The following USP22 variants were observed in gnomAD, a reference collection of about 807,000 sequenced individuals.
USP22 encodes ubiquitin specific peptidase 22.
In USP22, 22 loss-of-function variants were observed where a neutral mutation model predicts 68.1. That is an observed-to-expected ratio of 0.32 (90% CI 0.23 to 0.46). The LOEUF is 0.46. USP22 is among the 20% of genes least tolerant of loss of function. The probability of loss-of-function intolerance (pLI) is 1.00; values close to 1 mark genes in which losing one functional copy is unlikely to be tolerated. For missense variants in USP22, 433 were observed against 695.8 expected, an observed-to-expected ratio of 0.62 and a Z score of 4.25; for synonymous variants, 279 against 274.2, an observed-to-expected ratio of 1.02 and a Z score of -0.17.
intron 8 of USP22, 60 bp downstream of exon 8, chr17:21,011,091 A>T: frequency 6.6e-7 from 1 of 1,522,766 alleles, no homozygotes. Flanking sequence ...TTTGGTCCTG[A>T]TGGAGCACAG....
In USP22 at chr17:21,032,922, CAAAAAAAAAAAAA is replaced by C. The variant is rs753804890; in HGVS notation, c.172-4261_172-4249del. Among the ~76,000 whole-genome samples the C allele has an allele frequency of 1.1e-3, 104 of 91,574 alleles. 2 individuals carry two copies. The highest frequency in any genetic ancestry group is 0.01 in the East Asian group (20 of 1,916). 60.1% of individuals were successfully genotyped at this position (91,574 alleles called of 152,430 possible). On this transcript the variant is annotated intron_variant, in intron 1 of 12. Transcript: ENST00000261497. ...TGAGCAACAGAACCAGACCCTGTCT[CAAAAAAAAAAAAA>C]AAAAAAAAAAAAAAAAAAGTTGAAA... is the stretch of plus-strand genomic sequence containing the variant.
chr17:21,015,537 A>G, intron 6 of USP22: 1 of 601,730 alleles, frequency 1.7e-6, no homozygotes, highest in South Asian at 2.6e-5. Context: ...TGCTGGAACT[A>G]CTTCCTCGCC....
rs753804890 is a variant in USP22 at position 21,032,922 on chromosome 17, CAAAAAAAAAAA to C, written c.172-4259_172-4249del. 5.1e-3 allele frequency among the ~76,000 whole-genome samples: 464 copies of C among 91,568 alleles called. 4 individuals are homozygous for C. Among genetic ancestry groups the C allele is most frequent in the African/African-American group, 0.024 (414 of 17,360 alleles). 60.1% of individuals were successfully genotyped at this position (91,568 alleles called of 152,430 possible). A position where few individuals can be genotyped will look rare whatever the true frequency, so the allele number is the denominator to read the frequency against. The stretch of plus-strand genomic sequence containing the variant: ...TGAGCAACAGAACCAGACCCTGTCT[CAAAAAAAAAAA>C]AAAAAAAAAAAAAAAAAAAAGTTGA... On this transcript the variant is annotated intron_variant, in intron 1 of 12. Coordinates refer to ENST00000261497, the MANE Select transcript of USP22 (RefSeq NM_015276.2).
Position 21,032,922 on chromosome 17 carries a change from C to CAAAAAAAAA in USP22, c.172-4257_172-4249dup, listed in dbSNP as rs753804890. On this transcript the variant is annotated intron_variant, in intron 1 of 12. Transcript: ENST00000261497. Reference sequence around the variant, plus strand: ...TGAGCAACAGAACCAGACCCTGTCTCAAAAAAAAAAAAAAAAAAAAAAAAA... The same window carrying CAAAAAAAAA: ...TGAGCAACAGAACCAGACCCTGTCTCAAAAAAAAAAAAAAAAAAAAAAAAAAAAAAAAAA... Among the ~76,000 whole-genome samples, 70 of 91,546 alleles carry CAAAAAAAAA rather than the reference C, an allele frequency of 7.6e-4. 1 individual carries two copies. The highest frequency in any genetic ancestry group is 2.4e-3 in the African/African-American group (41 of 17,342). The allele number at this position is 91,546 out of a possible 152,430, so 60.1% of individuals were successfully genotyped here.
rs138872848 is a variant in USP22 at position 21,014,951 on chromosome 17, C to T, written c.838+801G>A. Among the ~76,000 whole-genome samples the T allele has an allele frequency of 1.3e-3, 198 of 152,272 alleles. 1 individual carries two copies. Among genetic ancestry groups the T allele is most frequent in the African/African-American group, 4.5e-3 (188 of 41,562 alleles). ...GAAGCCCCTGCCCCCCACAGATCTG[C>T]TGAATCAGAAACGCCAGCACGGGCT... On this transcript the variant is annotated intron_variant, in intron 6 of 12. Transcript: ENST00000261497.
Position 21,007,980 on chromosome 17 carries a change from G to C in USP22, c.1120C>G (p.His374Asp), listed in dbSNP as rs1437476147. 1 of 1,614,144 alleles carries C rather than the reference G, an allele frequency of 6.2e-7. No homozygotes were observed. The highest frequency in any genetic ancestry group is 2.2e-5 in the East Asian group (1 of 44,876). ...DCLRRFTRPE[H>D]LGSSAKIKCS... is the part of the protein sequence containing the mutation. ...TTGATCTTGGCGCTGCTGCCCAAGTGCTCTGGTCTGGTGAATCTACAGGCG... is the reference window on the plus strand; with the variant it reads ...TTGATCTTGGCGCTGCTGCCCAAGTCCTCTGGTCTGGTGAATCTACAGGCG... Residue 374 changes from histidine to aspartate, a missense_variant, in exon 9 of 13, where the codon CAC becomes GAC. Transcript: ENST00000261497.
chr17:21,004,814 C>A (rs1019559835), intron 11 of USP22, 114 bp downstream of exon 11: 1 of 1,150,568 alleles, frequency 8.7e-7, no homozygotes, highest in African/African-American at 1.5e-5. Flanking sequence ...GGCAGCCAAG[C>A]GGGAAGCAGG....
chr17:21,025,276 T>C (rs1972206006), intron 2 of USP22, among the ~76,000 whole-genome samples: 1 of 152,110 alleles, frequency 6.6e-6, no homozygotes, highest in Non-Finnish European at 1.5e-5. Context: ...CATGAACAAA[T>C]ATTCAACATC....
chr17:21,007,579 G>C lies in USP22; in HGVS notation c.1230+291C>G, dbSNP rs897741342. Reference sequence around the variant, plus strand: ...AAAATAAAACAGAAAACCTGAGGAGGGGGTAGCTGGAGGAATGGTAGAAGT... The same window carrying C: ...AAAATAAAACAGAAAACCTGAGGAGCGGGTAGCTGGAGGAATGGTAGAAGT... On this transcript the variant is annotated intron_variant, in intron 9 of 12. Transcript: ENST00000261497. 2.0e-5 allele frequency among the ~76,000 whole-genome samples: 3 copies of C among 152,138 alleles called. No individual in the cohort carries two copies. In the East Asian group the frequency reaches 5.8e-4, roughly 29 times the overall value.
intron 2 of USP22, 68 bp from the exon 3 acceptor site, chr17:21,021,294 G>A: frequency 9.1e-7 from 1 of 1,094,752 alleles, no homozygotes; most frequent in Non-Finnish European, 1.4e-6. Flanking sequence ...CTGGAGGGCA[G>A]AGTTAAACAC....
At chr17:21,040,603 CAAA>C (rs1328414565) in intron 1 of USP22, among the ~76,000 whole-genome samples, 1 of 140,830 alleles carries the variant, frequency 7.1e-6, no homozygotes, top group Non-Finnish European at 1.6e-5. Flanking sequence ...ATAAGTAGCG[CAAA>C]AAAAAAAAGT....
chr17:21,005,978 C>T (rs954261882), intron 10 of USP22, among the ~76,000 whole-genome samples: 1 of 152,112 alleles, frequency 6.6e-6, no homozygotes, highest in Admixed American at 6.6e-5. Context: ...GCCATGTGAC[C>T]CGGAAGCCAG....
chr17:21,038,708 T>C (rs1312564141), intron 1 of USP22, among the ~76,000 whole-genome samples: 2 of 151,458 alleles, frequency 1.3e-5, no homozygotes, highest in East Asian at 1.9e-4. Flanking sequence ...TTTAAAAAAG[T>C]GTTTTGAGGA....
intron 1 of USP22, among the ~76,000 whole-genome samples, chr17:21,032,291 G>A (rs1972300263): frequency 6.6e-6 from 1 of 152,146 alleles, no homozygotes; most frequent in Non-Finnish European, 1.5e-5. Flanking sequence ...GCCTAACAAT[G>A]CATTTCTCAG....
At position 21,000,004 on chromosome 17, in the gene USP22, CAGCACATCACCTGCCTCAA is replaced by C. The variant is rs1324638198; in HGVS notation, c.*3008_*3026del. On this transcript the variant is annotated 3_prime_UTR_variant, in exon 13 of 13. Transcript: ENST00000261497. ...GCCAGAGGGAGGCCGCCCACACTCC[CAGCACATCACCTGCCTCAA>C]AGCACTCCCTTCAGGCATCTGAAGA... 3 of 152,298 alleles carry C rather than the reference CAGCACATCACCTGCCTCAA, an allele frequency of 2.0e-5. No homozygotes were observed. The highest frequency in any genetic ancestry group is 4.8e-5 in the African/African-American group (2 of 41,442). 9.4% of individuals were successfully genotyped at this position (152,298 alleles called of 1,614,324 possible).
At chr17:21,027,851 T>C (rs1250122121) in intron 2 of USP22, among the ~76,000 whole-genome samples, 2 of 152,024 alleles carry the variant, frequency 1.3e-5, no homozygotes, top group African/African-American at 4.8e-5. Context: ...GCACCTGTAA[T>C]CTGTTACATG....
chr17:21,027,345 A>AAGCCGTGGGTCTT (rs1196439146), intron 2 of USP22, among the ~76,000 whole-genome samples: 12 of 146,644 alleles, frequency 8.2e-5, no homozygotes, highest in Admixed American at 6.8e-4. Flanking sequence ...GCCTCAGTTA[A>AAGCCGTGGGTCTT]AGCCGTGGGT....
At chr17:21,029,205 G>A (rs1404662538) in intron 1 of USP22, among the ~76,000 whole-genome samples, 3 of 152,174 alleles carry the variant, frequency 2.0e-5, no homozygotes, top group Admixed American at 6.5e-5. Flanking sequence ...CGGCAATGAT[G>A]AGCACAGTGG....
At chr17:21,027,170 G>C (rs574012747) in intron 2 of USP22, among the ~76,000 whole-genome samples, 1 of 150,850 alleles carries the variant, frequency 6.6e-6, no homozygotes, top group Non-Finnish European at 1.5e-5. Flanking sequence ...GTGTGTGCCT[G>C]TGGTCCCAAC....
Sources: allele counts gnomAD v4.1 joint callset (sites outside exome capture counted in the v4.1 genomes callset), GRCh38; gene constraint gnomAD v4.1.1; transcripts MANE v1.5; gene names NCBI Gene and HGNC (gene_info 2026-07-23, HGNC 2026-07-21).